The following ERO1B variants were observed in gnomAD, a reference collection of about 807,000 sequenced individuals.
The protein encoded by ERO1B is ERO1-like protein beta.
ERO1B carries 49 observed loss-of-function variants against 75.3 expected under a neutral mutation model. That is an observed-to-expected ratio of 0.65 (90% CI 0.52 to 0.83). The LOEUF (loss-of-function observed/expected upper bound fraction) is 0.83. ERO1B is among the 40% of genes least tolerant of loss of function. ERO1B has a pLI of 0.00. For synonymous variants in ERO1B, 191 were observed against 192.9 expected, an observed-to-expected ratio of 0.99 and a Z score of 0.08; for missense variants, 512 against 560.1, an observed-to-expected ratio of 0.91 and a Z score of 0.87.
intron 1 of ERO1B, among the ~76,000 whole-genome samples, chr1:236,275,747 G>T (rs11590945): frequency 6.6e-6 from 1 of 152,102 alleles, no homozygotes; most frequent in African/African-American, 2.4e-5. Context: ...TGATTGAAAG[G>T]GGCTCATTAT....
intron 2 of ERO1B, among the ~76,000 whole-genome samples, chr1:236,266,245 A>G (rs1359736711): frequency 2.0e-5 from 3 of 152,358 alleles, no homozygotes; most frequent in East Asian, 3.9e-4. Flanking sequence ...CAACTGCCCA[A>G]CTGCATAAAG....
In ERO1B at chr1:236,222,001, G is replaced by A. The variant is rs1235110431; in HGVS notation, c.1132C>T (p.Arg378Ter). The change falls in exon 14 of 16, where the codon CGA (arginine) becomes TGA (stop). Residue 378 changes from arginine to a stop codon, truncating the protein, a stop_gained. Coordinates refer to ENST00000354619, the MANE Select transcript of ERO1B (RefSeq NM_019891.4). LOFTEE classifies it high-confidence loss of function. ...KGAKSLKEEF[R>*]LHFKNISRIM... Reference sequence around the variant, plus strand: ...CGGGAGATATTCTTGAAATGTAATCGGAATTCCTCCTAGCAAGCAGAAAAT... The same window carrying A: ...CGGGAGATATTCTTGAAATGTAATCAGAATTCCTCCTAGCAAGCAGAAAAT... 2.2e-5 allele frequency: 36 copies of A among 1,612,878 alleles called. No homozygotes were observed. The highest frequency in any genetic ancestry group is 3.3e-5 in the Admixed American group (2 of 59,940).
At chr1:236,225,944 T>C (rs1246480510) in intron 12 of ERO1B, among the ~76,000 whole-genome samples, 8 of 152,040 alleles carry the variant, frequency 5.3e-5, no homozygotes, top group Admixed American at 1.3e-4. Context: ...CAAAAATAAG[T>C]AAGTAAATAA....
intron 4 of ERO1B, among the ~76,000 whole-genome samples, chr1:236,250,572 C>CAT (rs1171832762): frequency 9.6e-4 from 83 of 86,358 alleles, no homozygotes; most frequent in African/African-American, 1.6e-3. Context: ...TAAATTTGAC[C>CAT]ATATATATAT....
At chr1:236,228,966 C>T (rs1017575256) in intron 10 of ERO1B, among the ~76,000 whole-genome samples, 1 of 152,200 alleles carries the variant, frequency 6.6e-6, no homozygotes, top group Non-Finnish European at 1.5e-5. Context: ...ACTACCTTTT[C>T]TAGCCTAAAT....
At chr1:236,274,982 G>A (rs1665677928) in intron 1 of ERO1B, among the ~76,000 whole-genome samples, 2 of 152,222 alleles carry the variant, frequency 1.3e-5, no homozygotes, top group South Asian at 2.1e-4. Context: ...TATCTGGGGG[G>A]ACAGCATTCC....
chr1:236,250,469 C>T (rs1015104107), intron 4 of ERO1B, among the ~76,000 whole-genome samples: 6 of 151,004 alleles, frequency 4.0e-5, no homozygotes, highest in Admixed American at 2.6e-4. Context: ...AAGACTCTGT[C>T]TCAAAAAAAT....
intron 9 of ERO1B, among the ~76,000 whole-genome samples, chr1:236,232,272 C>T (rs1263930640): frequency 6.6e-6 from 1 of 152,182 alleles, no homozygotes; most frequent in South Asian, 2.1e-4. Flanking sequence ...AGGGAAAGCA[C>T]CATGTTTTAA....
intron 9 of ERO1B, among the ~76,000 whole-genome samples, 161 bp downstream of exon 9, chr1:236,232,667 A>G (rs1348144048): frequency 8.1e-6 from 1 of 122,786 alleles, no homozygotes; most frequent in East Asian, 2.3e-4. Context: ...AACTTGATAT[A>G]TATAAAATAA....
intron 1 of ERO1B, among the ~76,000 whole-genome samples, chr1:236,277,420 AAAG>A (rs1455692641): frequency 1.3e-5 from 2 of 152,120 alleles, no homozygotes; most frequent in Admixed American, 6.5e-5. Flanking sequence ...AAAAAAAAAA[AAAG>A]AATGGACTAA....
intron 8 of ERO1B, among the ~76,000 whole-genome samples, 165 bp from the exon 9 acceptor site, chr1:236,233,004 A>G (rs1664451164): frequency 6.6e-6 from 1 of 152,058 alleles, no homozygotes; most frequent in Non-Finnish European, 1.5e-5. Context: ...ATACAGGTCA[A>G]AGAGTATAAG....
At chr1:236,235,024 C>A (rs1282309729) in intron 8 of ERO1B, among the ~76,000 whole-genome samples, 1 of 152,226 alleles carries the variant, frequency 6.6e-6, no homozygotes, top group Non-Finnish European at 1.5e-5. Flanking sequence ...CTTACCAAAA[C>A]AATAAGGTTC....
In ERO1B at chr1:236,260,215, C is replaced by T. The variant is rs80166776; in HGVS notation, c.223-6710G>A. Among the ~76,000 whole-genome samples, 1,376 of 152,116 alleles carry T rather than the reference C, an allele frequency of 9.0e-3. 12 individuals carry two copies. The highest frequency in any genetic ancestry group is 0.068 in the East Asian group (355 of 5,184). On this transcript the variant is annotated intron_variant, in intron 2 of 15. Transcript: ENST00000354619. ...TCGAAGAAAAAGAGACTACTAATCA[C>T]GACTATGTTCCAATAAATTGGATAA...
In ERO1B at chr1:236,269,753, T is replaced by C. The variant is rs544882704; in HGVS notation, c.222+122A>G. The C allele has an allele frequency of 5.4e-5, 39 of 728,220 alleles. 1 individual carries two copies. The South Asian group carries it at 8.4e-4, about 16-fold the overall frequency. 45.1% of individuals were successfully genotyped at this position (728,220 alleles called of 1,614,324 possible). ...AATAGGTTTCCACTGCAATACATAA[T>C]AAATTCAGTGATGAAAGATATACAC... is the stretch of plus-strand genomic sequence containing the variant. On this transcript the variant is annotated intron_variant, in intron 2 of 15. Coordinates refer to ENST00000354619, the MANE Select transcript of ERO1B (RefSeq NM_019891.4).
chr1:236,243,917 T>TA (rs1664774525), intron 5 of ERO1B, among the ~76,000 whole-genome samples: 1 of 152,188 alleles, frequency 6.6e-6, no homozygotes, highest in Non-Finnish European at 1.5e-5. Flanking sequence ...TTACAAGATC[T>TA]AAAATACCAA....
chr1:236,226,648 T>G lies in ERO1B; in HGVS notation c.804A>C (p.Glu268Asp). 6.2e-7 allele frequency: 1 copy of G among 1,609,912 alleles called. No homozygotes were observed. Residue 268 changes from glutamate (E) to aspartate (D), a missense_variant and splice_region_variant, in exon 11 of 16, where the codon GAA (glutamate) becomes GAC (aspartate). Transcript: ENST00000354619. ...ATCTCGACTTAAAAATATGATTACC[T>G]TCCAAAAGATAATTTGCGCATAGAT... The part of the protein sequence containing the change: ...NLHLCANYLL[E>D]ETWGKPSWGP...
At position 236,230,221 on chromosome 1, in the gene ERO1B, T is replaced by C. The variant is rs376179155; in HGVS notation, c.712+3A>G. ...TCCAATAAATTTAGAACAGACTGTT[T>C]ACCTTCTAGCCATGTGTAGAATGAT... On this transcript the variant is annotated splice_donor_region_variant and intron_variant, in intron 10 of 15. Coordinates refer to ENST00000354619, the MANE Select transcript of ERO1B (RefSeq NM_019891.4). 31 of 1,590,368 alleles carry C rather than the reference T, an allele frequency of 1.9e-5. No homozygotes were observed. In the African/African-American group the frequency reaches 4.0e-4, roughly 21 times the overall value.
chr1:236,219,499 T>G (rs1415020871), intron 15 of ERO1B, among the ~76,000 whole-genome samples: 2 of 152,228 alleles, frequency 1.3e-5, no homozygotes, highest in Non-Finnish European at 2.9e-5. Flanking sequence ...CTCAATTTAA[T>G]TTGGACTTAA....
At chr1:236,239,551 G>A (rs191568472) in intron 6 of ERO1B, among the ~76,000 whole-genome samples, 5 of 152,102 alleles carry the variant, frequency 3.3e-5, no homozygotes, top group Admixed American at 6.6e-5. Flanking sequence ...CTAGCTGGTA[G>A]TGCCCATCCT....
Sources: allele counts gnomAD v4.1 joint callset (sites outside exome capture counted in the v4.1 genomes callset), GRCh38; gene constraint gnomAD v4.1.1; transcripts MANE v1.5; gene names NCBI Gene and HGNC (gene_info 2026-07-23, HGNC 2026-07-21).